The following ABCA13 variants were observed in gnomAD, a reference collection of about 807,000 sequenced individuals.
ABCA13 encodes ATP-binding cassette sub-family A member 13.
Under a neutral mutation model 478.7 loss-of-function variants are expected in ABCA13, and 476 were observed. That is an observed-to-expected ratio of 0.99 (90% CI 0.92 to 1.07). The LOEUF is 1.07. ABCA13 is among the 50% of genes least tolerant of loss of function. The pLI, the probability that ABCA13 is intolerant of heterozygous loss-of-function variation, is 0.00. For missense variants in ABCA13, 6,060 were observed against 5,910.6 expected (o/e 1.03, Z -0.83); for synonymous variants, 2,252 against 2,158.9 (o/e 1.04, Z -1.20).
At chr7:48,444,749 G>C (rs1232507180) in intron 42 of ABCA13, among the ~76,000 whole-genome samples, 1 of 152,092 alleles carries the variant, frequency 6.6e-6, no homozygotes, top group African/African-American at 2.4e-5. Context: ...TGCCTGCTGA[G>C]CAACTCCATT....
At chr7:48,375,020 T>C (rs1813237764) in intron 34 of ABCA13, among the ~76,000 whole-genome samples, 1 of 152,234 alleles carries the variant, frequency 6.6e-6, no homozygotes, top group Non-Finnish European at 1.5e-5. Flanking sequence ...TAATGCCTGA[T>C]GATCTGTCAC....
chr7:48,571,305 T>C (rs1787623086), intron 55 of ABCA13, among the ~76,000 whole-genome samples: 1 of 152,220 alleles, frequency 6.6e-6, no homozygotes, highest in South Asian at 2.1e-4. Flanking sequence ...TGTGGATTCA[T>C]GTTACTGTTA....
intron 3 of ABCA13, among the ~76,000 whole-genome samples, chr7:48,203,041 T>G (rs1317037436): frequency 6.6e-6 from 1 of 152,158 alleles, no homozygotes; most frequent in Non-Finnish European, 1.5e-5. Flanking sequence ...CGGGCTGCAG[T>G]CCCGAGGCCT....
At chr7:48,364,070 A>G (rs747591131) in intron 31 of ABCA13, among the ~76,000 whole-genome samples, 2 of 152,150 alleles carry the variant, frequency 1.3e-5, no homozygotes. Context: ...TGAATTGGAT[A>G]TTCCTGTCCA....
chr7:48,578,903 A>G (rs1243539550), intron 55 of ABCA13, among the ~76,000 whole-genome samples: 1 of 152,248 alleles, frequency 6.6e-6, no homozygotes, highest in Non-Finnish European at 1.5e-5. Flanking sequence ...CATCTTTGCA[A>G]CAAATGGTGC....
chr7:48,211,598 G>A (rs1188138848), intron 3 of ABCA13, among the ~76,000 whole-genome samples: 1 of 152,006 alleles, frequency 6.6e-6, no homozygotes, highest in Non-Finnish European at 1.5e-5. Flanking sequence ...CAGTACTGGG[G>A]CTTACCCAAG....
In ABCA13 at chr7:48,520,089, C is replaced by T. The variant is rs1376055144; in HGVS notation, c.13846C>T (p.Pro4616Ser). ...CCTCAAGTGGGTCTTTACTATTTTT[C>T]CTCAATTCTGTCTTGGTCAAGGACT... is the stretch of plus-strand genomic sequence containing the variant. The part of the protein sequence containing the change: ...DVLKWVFTIF[P>S]QFCLGQGLVE... The change falls in exon 53 of 62, where the codon CCT becomes TCT. Residue 4616 changes from proline (P) to serine (S), a missense_variant. Pro to Ser is a moderately conservative substitution (Grantham distance 74, BLOSUM62 -1). This residue lies in a region of ABCA13 where 1,627 missense variants were observed against 1,571.0 expected (regional missense o/e 1.04). Transcript: ENST00000435803. The T allele has an allele frequency of 1.2e-5, 19 of 1,612,894 alleles. No homozygotes were observed. The highest frequency in any genetic ancestry group is 1.6e-5 in the Non-Finnish European group (19 of 1,179,386).
chr7:48,219,516 C>G lies in ABCA13; in HGVS notation c.439+11C>G, dbSNP rs11973568. On this transcript the variant is annotated intron_variant, in intron 4 of 61. Transcript: ENST00000435803. ...GATCCAACACTCCAGGCAAGTAAAC[C>G]TCTCATAACTGTGACACTACCTACC... The G allele has an allele frequency of 4.5e-4, 722 of 1,600,920 alleles. 7 individuals carry two copies. In the African/African-American group the frequency reaches 8.3e-3, roughly 18 times the overall value.
chr7:48,352,468 C>G lies in ABCA13; in HGVS notation c.10669C>G (p.Pro3557Ala). 1 of 1,606,068 alleles carries G rather than the reference C, an allele frequency of 6.2e-7. No homozygotes were observed. The highest frequency in any genetic ancestry group is 8.5e-7 in the Non-Finnish European group (1 of 1,175,006). The part of the protein sequence containing the change: ...PAAQTQAAPY[P>A]CHTSDLFLNN... ...AGCACAGACTCAGGCGGCCCCTTAC[C>G]CCTGCCATACCAGCGACCTGTGAGT... is the stretch of plus-strand genomic sequence containing the variant. The change falls in exon 31 of 62, where the codon CCC becomes GCC. Residue 3557 changes from proline to alanine, a missense_variant. Pro to Ala is a conservative substitution (Grantham distance 27). Coordinates refer to ENST00000435803, the MANE Select transcript of ABCA13 (RefSeq NM_152701.5).
intron 56 of ABCA13, among the ~76,000 whole-genome samples, chr7:48,583,457 T>C (rs6973889): frequency 0.094 from 14,285 of 152,228 alleles, 1,137 homozygotes; most frequent in African/African-American, 0.22. Context: ...CTTTGGAGTC[T>C]GATAGATGTA....
chr7:48,309,309 T>C (rs1801406311), intron 23 of ABCA13, among the ~76,000 whole-genome samples: 2 of 152,120 alleles, frequency 1.3e-5, no homozygotes, highest in Non-Finnish European at 2.9e-5. Flanking sequence ...TTTTGCTTTG[T>C]AATTTGGCAT....
At chr7:48,560,349 C>A (rs1035631943) in intron 55 of ABCA13, among the ~76,000 whole-genome samples, 1 of 152,170 alleles carries the variant, frequency 6.6e-6, no homozygotes, top group Admixed American at 6.5e-5. Flanking sequence ...TCTTCCTCCC[C>A]CAAGTGCACA....
At chr7:48,429,821 T>A (rs6946085) in intron 42 of ABCA13, among the ~76,000 whole-genome samples, 47,415 of 151,988 alleles carry the variant, frequency 0.31, 7,513 homozygotes, top group East Asian at 0.37. Context: ...AGATGATCAT[T>A]TGTTTTTTGT....
At chr7:48,450,336 C>T (rs10256975) in intron 42 of ABCA13, among the ~76,000 whole-genome samples, 21,094 of 152,020 alleles carry the variant, frequency 0.14, 1,920 homozygotes, top group African/African-American at 0.24. Flanking sequence ...AGTAATTTAT[C>T]GTTTACAAGA....
At chr7:48,563,367 G>A (rs1159162460) in intron 55 of ABCA13, among the ~76,000 whole-genome samples, 1 of 152,170 alleles carries the variant, frequency 6.6e-6, no homozygotes, top group Non-Finnish European at 1.5e-5. Flanking sequence ...GAGGGTTAAA[G>A]GCTAGGGTGG....
intron 47 of ABCA13, among the ~76,000 whole-genome samples, chr7:48,487,291 C>A (rs117888859): frequency 4.1e-5 from 6 of 144,858 alleles, no homozygotes; most frequent in Non-Finnish European, 5.9e-5. Flanking sequence ...GCCTGGGCAA[C>A]GAGCAAAACT....
intron 55 of ABCA13, among the ~76,000 whole-genome samples, chr7:48,557,774 A>G (rs1785997275): frequency 6.6e-6 from 1 of 152,132 alleles, no homozygotes; most frequent in African/African-American, 2.4e-5. Flanking sequence ...AATTAAAAGT[A>G]ATTACCACAA....
chr7:48,231,966 A>G (rs1402774562), intron 7 of ABCA13, among the ~76,000 whole-genome samples: 1 of 151,930 alleles, frequency 6.6e-6, no homozygotes, highest in Admixed American at 6.6e-5. Flanking sequence ...CCAACCCTGA[A>G]CTATTGTACA....
In ABCA13 at chr7:48,455,055, C is replaced by T. The variant is rs775123768; in HGVS notation, c.12584C>T (p.Pro4195Leu). ...CCTGCAGGTGGCTCCCTAGCACGGC[C>T]CGCAACTGTGCAGGGCGTCCAGCTG... Reference protein sequence around the residue: ...LSGYCGSLARPATVQGVQLLR... With the variant: ...LSGYCGSLARLATVQGVQLLR... Residue 4195 changes from proline to leucine, a missense_variant, in exon 43 of 62, where the codon CCC (proline) becomes CTC (leucine). This residue lies in a region of ABCA13 where 1,627 missense variants were observed against 1,571.0 expected (regional missense o/e 1.04). Coordinates refer to ENST00000435803, the MANE Select transcript of ABCA13 (RefSeq NM_152701.5). 1 of 1,532,786 alleles carries T rather than the reference C, an allele frequency of 6.5e-7. No homozygotes were observed. The highest frequency in any genetic ancestry group is 8.8e-7 in the Non-Finnish European group (1 of 1,141,550). The allele number at this position is 1,532,786 out of a possible 1,614,324, so 94.9% of individuals were successfully genotyped here. A position where few individuals can be genotyped will look rare whatever the true frequency, so the allele number is the denominator to read the frequency against.
Sources: gnomAD v4.1 joint callset for allele counts (sites outside exome capture counted in the v4.1 genomes callset) on GRCh38, gnomAD v4.1.1 for gene constraint, gnomAD v4.1.1 regional missense constraint, MANE v1.5 for transcripts, NCBI Gene and HGNC (gene_info 2026-07-23, HGNC 2026-07-21) for gene names.